The following GPHN variants were observed in gnomAD, a reference collection of about 807,000 sequenced individuals.
The protein encoded by GPHN is gephyrin.
GPHN carries 17 observed loss-of-function variants against 95.5 expected under a neutral mutation model. The ratio of observed to expected loss-of-function variants is 0.18; its 90% CI spans 0.12 to 0.27. The LOEUF is 0.27. Among genes scored for constraint, GPHN ranks in the 10% least tolerant of loss-of-function variants. The pLI is 1.00. For missense variants in GPHN, 660 were observed against 978.1 expected (o/e 0.67, Z 4.34); for synonymous variants, 320 against 322.5 (o/e 0.99, Z 0.08).
chr14:66,530,266 C>G (rs543673458), intron 1 of GPHN, among the ~76,000 whole-genome samples: 2 of 152,094 alleles, frequency 1.3e-5, no homozygotes, highest in South Asian at 2.1e-4. Flanking sequence ...ACTGCCTACT[C>G]AAGCCTCAGT....
intron 8 of GPHN, among the ~76,000 whole-genome samples, chr14:66,950,723 A>C (rs556176934): frequency 3.9e-4 from 59 of 152,300 alleles, no homozygotes; most frequent in South Asian, 1.7e-3. Flanking sequence ...ACATGAGCAC[A>C]CACTCACTAA....
intron 1 of GPHN, among the ~76,000 whole-genome samples, chr14:66,668,038 A>G (rs1377056556): frequency 6.6e-6 from 1 of 152,218 alleles, no homozygotes; most frequent in Non-Finnish European, 1.5e-5. Context: ...GAAAAGCTCA[A>G]CATCACTGAT....
At chr14:67,731,906 C>T in the GPHN span, among the ~76,000 whole-genome samples, 1 of 151,134 alleles carries the variant, frequency 6.6e-6, no homozygotes, top group Non-Finnish European at 1.5e-5. Flanking sequence ...GTGGGTGGAT[C>T]ACTTGAGGTC....
chr14:66,835,084 G>A (rs996463353), intron 4 of GPHN, among the ~76,000 whole-genome samples: 1 of 151,504 alleles, frequency 6.6e-6, no homozygotes, highest in Non-Finnish European at 1.5e-5. Flanking sequence ...TTGTATTTCT[G>A]TGGGATCGGT....
chr14:66,866,408 T>C (rs2063223756), intron 4 of GPHN, among the ~76,000 whole-genome samples: 1 of 152,206 alleles, frequency 6.6e-6, no homozygotes, highest in African/African-American at 2.4e-5. Flanking sequence ...TACAAAGTAG[T>C]ACTGTTTATA....
the GPHN span, among the ~76,000 whole-genome samples, chr14:67,284,429 T>TAAAAAAAAAAAAAAAAAAAAAAA: frequency 1.2e-4 from 11 of 92,678 alleles, 2 homozygotes; most frequent in African/African-American, 6.3e-4. Context: ...CCCTATCTCT[T>TAAAAAAAAAAAAAAAAAAAAAAA]AAAAAAAAAA....
At chr14:67,568,645 T>A in the GPHN span, among the ~76,000 whole-genome samples, 105 of 152,210 alleles carry the variant, frequency 6.9e-4, no homozygotes, top group African/African-American at 2.4e-3. Flanking sequence ...GAGAATTTTT[T>A]AAAAATGTGC....
intron 8 of GPHN, among the ~76,000 whole-genome samples, chr14:66,939,342 C>G (rs1451108532): frequency 6.6e-6 from 1 of 151,892 alleles, no homozygotes; most frequent in Admixed American, 6.6e-5. Flanking sequence ...AGAAAAACAA[C>G]CTGATTCAAA....
the GPHN span, among the ~76,000 whole-genome samples, chr14:67,688,892 CCT>C: frequency 6.9e-3 from 1,045 of 152,294 alleles, 19 homozygotes; most frequent in East Asian, 0.08. Flanking sequence ...CAATTCATCC[CCT>C]GTCCCCTAAC....
intron 1 of GPHN, among the ~76,000 whole-genome samples, chr14:66,676,351 A>G (rs2066587326): frequency 6.6e-6 from 1 of 152,120 alleles, no homozygotes; most frequent in Non-Finnish European, 1.5e-5. Flanking sequence ...TCTATCTTAA[A>G]TACAAGTTGT....
the GPHN span, among the ~76,000 whole-genome samples, chr14:67,474,912 TTC>T: frequency 2.4e-5 from 3 of 125,842 alleles, no homozygotes; most frequent in South Asian, 2.4e-4. Context: ...CAGAATTTCC[TTC>T]TTTTTTTTTT....
intron 9 of GPHN, among the ~76,000 whole-genome samples, chr14:66,982,688 A>T (rs2070756081): frequency 6.6e-6 from 1 of 152,212 alleles, no homozygotes; most frequent in Non-Finnish European, 1.5e-5. Context: ...ATCAATATAT[A>T]TAAGTAAACT....
chr14:66,711,684 T>A (rs888199992), intron 2 of GPHN, among the ~76,000 whole-genome samples: 2 of 151,972 alleles, frequency 1.3e-5, no homozygotes, highest in South Asian at 2.1e-4. Context: ...CATGTTGGTT[T>A]GCTGCATCAA....
intron 1 of GPHN, among the ~76,000 whole-genome samples, chr14:66,602,517 A>G (rs1305393437): frequency 1.3e-5 from 2 of 152,024 alleles, no homozygotes; most frequent in Non-Finnish European, 2.9e-5. Flanking sequence ...TTTGACACAT[A>G]TAACTTGAAA....
intron 2 of GPHN, among the ~76,000 whole-genome samples, chr14:66,711,193 T>TC (rs1240492361): frequency 6.6e-6 from 1 of 152,098 alleles, no homozygotes; most frequent in East Asian, 1.9e-4. Flanking sequence ...ACCCTCCCCC[T>TC]CCACCCTTAC....
chr14:67,109,225 C>G (rs963035044), intron 13 of GPHN, among the ~76,000 whole-genome samples: 7 of 152,178 alleles, frequency 4.6e-5, no homozygotes, highest in Non-Finnish European at 8.8e-5. Context: ...CAGCACGTGA[C>G]TATACTTATG....
intron 1 of GPHN, among the ~76,000 whole-genome samples, chr14:66,612,048 C>T (rs2062804921): frequency 6.6e-6 from 1 of 151,938 alleles, no homozygotes; most frequent in Non-Finnish European, 1.5e-5. Flanking sequence ...TCGCCTAATA[C>T]TTAAACTGTT....
the GPHN span, among the ~76,000 whole-genome samples, chr14:67,308,314 CT>C: frequency 0.31 from 43,839 of 139,288 alleles, 6,955 homozygotes; most frequent in East Asian, 0.51. Flanking sequence ...ACCAAACTTC[CT>C]TTTTTTTTTT....
At chr14:66,519,870 A>G (rs2058402707) in intron 1 of GPHN, among the ~76,000 whole-genome samples, 1 of 152,150 alleles carries the variant, frequency 6.6e-6, no homozygotes. Flanking sequence ...TAGTGTTGTC[A>G]CCATTTTACA....
Sources: allele counts gnomAD v4.1 joint callset (sites outside exome capture counted in the v4.1 genomes callset), GRCh38; gene constraint gnomAD v4.1.1; transcripts MANE v1.5; gene names NCBI Gene and HGNC (gene_info 2026-07-23, HGNC 2026-07-21).